CCDC38: variants seen among roughly 807,000 people sequenced by gnomAD.
CCDC38 encodes coiled-coil domain containing 38.
Under a neutral mutation model 72.8 loss-of-function variants are expected in CCDC38, and 69 were observed. That is an observed-to-expected ratio of 0.95 (90% CI 0.78 to 1.16). The LOEUF is 1.16. Among genes scored for constraint, CCDC38 ranks in the 50% most tolerant of loss-of-function variants. The pLI is 0.00. For synonymous variants in CCDC38, 201 were observed against 213.2 expected, an observed-to-expected ratio of 0.94 and a Z score of 0.50; for missense variants, 626 against 638.9, an observed-to-expected ratio of 0.98 and a Z score of 0.22.
chr12:95,927,637 T>C (rs1480038397), intron 2 of CCDC38, among the ~76,000 whole-genome samples: 3 of 152,220 alleles, frequency 2.0e-5, no homozygotes, highest in East Asian at 3.8e-4. Context: ...CTAGTCTTGA[T>C]GGTCTTTACA....
At chr12:95,883,635 C>T (rs1483458084) in intron 10 of CCDC38, among the ~76,000 whole-genome samples, 2 of 152,218 alleles carry the variant, frequency 1.3e-5, no homozygotes, top group Non-Finnish European at 2.9e-5. Flanking sequence ...CTTTGCATGC[C>T]TGTGGCACTC....
intron 2 of CCDC38, among the ~76,000 whole-genome samples, chr12:95,926,309 A>G (rs1390632330): frequency 6.6e-6 from 1 of 151,800 alleles, no homozygotes; most frequent in South Asian, 2.1e-4. Context: ...TTTCTTCTAG[A>G]TTTTCTAGTT....
intron 8 of CCDC38, 101 bp from the exon 9 acceptor site, chr12:95,891,031 G>C: frequency 1.6e-6 from 1 of 635,062 alleles, no homozygotes; most frequent in South Asian, 2.0e-5. Flanking sequence ...TAGAGTTATT[G>C]TCAAAACTTC....
chr12:95,920,845 G>C (rs1006240200), intron 2 of CCDC38, among the ~76,000 whole-genome samples: 10 of 152,158 alleles, frequency 6.6e-5, no homozygotes, highest in Non-Finnish European at 1.3e-4. Context: ...AAAAGCAAAA[G>C]AGGGCCGGGC....
At chr12:95,923,763 A>G (rs1182514572) in intron 2 of CCDC38, among the ~76,000 whole-genome samples, 19 of 150,874 alleles carry the variant, frequency 1.3e-4, no homozygotes, top group Admixed American at 4.0e-4. Context: ...TCATTGTTCA[A>G]TTCCCACCTA....
chr12:95,896,899 G>A (rs961999148), intron 7 of CCDC38, among the ~76,000 whole-genome samples: 1 of 152,174 alleles, frequency 6.6e-6, no homozygotes, highest in African/African-American at 2.4e-5. Flanking sequence ...CGGCTATTGT[G>A]CATAAATGCA....
At chr12:95,920,215 G>A (rs1226085026) in intron 2 of CCDC38, among the ~76,000 whole-genome samples, 1 of 152,074 alleles carries the variant, frequency 6.6e-6, no homozygotes, top group Non-Finnish European at 1.5e-5. Flanking sequence ...TCTTTCTTGT[G>A]CTGTTCTCGT....
At chr12:95,897,346 C>T (rs896326895) in intron 7 of CCDC38, among the ~76,000 whole-genome samples, 2 of 152,060 alleles carry the variant, frequency 1.3e-5, no homozygotes, top group East Asian at 1.9e-4. Flanking sequence ...CGGTGACTCA[C>T]GCCTGTAATC....
At chr12:95,867,529 A>G (rs1565938602) in intron 15 of CCDC38, among the ~76,000 whole-genome samples, 1 of 152,198 alleles carries the variant, frequency 6.6e-6, no homozygotes, top group African/African-American at 2.4e-5. Flanking sequence ...TTTCTCAGTA[A>G]GTGCCATAGC....
intron 4 of CCDC38, among the ~76,000 whole-genome samples, chr12:95,907,839 G>A (rs1163341483): frequency 4.6e-5 from 7 of 150,814 alleles, no homozygotes; most frequent in Non-Finnish European, 8.9e-5. Context: ...CATCTCAGAC[G>A]ATGGGTGGCC....
intron 5 of CCDC38, among the ~76,000 whole-genome samples, chr12:95,902,477 C>CT (rs1260826296): frequency 2.6e-5 from 4 of 152,102 alleles, no homozygotes; most frequent in Admixed American, 1.3e-4. Context: ...ATAGTATGAA[C>CT]TATTTTTCTG....
chr12:95,914,166 A>T (rs1161695033), intron 4 of CCDC38, among the ~76,000 whole-genome samples: 1 of 152,160 alleles, frequency 6.6e-6, no homozygotes, highest in Admixed American at 6.5e-5. Flanking sequence ...TCTACTAAAA[A>T]TACAAAAAAT....
chr12:95,877,204 C>G (rs1592755391), intron 13 of CCDC38, among the ~76,000 whole-genome samples: 1 of 152,266 alleles, frequency 6.6e-6, no homozygotes, highest in East Asian at 1.9e-4. Flanking sequence ...AGTAAATTTA[C>G]TGAGGCTCCA....
chr12:95,910,717 A>C (rs1247835496), intron 4 of CCDC38, among the ~76,000 whole-genome samples: 2 of 152,148 alleles, frequency 1.3e-5, no homozygotes, highest in African/African-American at 4.8e-5. Context: ...TTAAAAAATT[A>C]GTTGAGCATG....
intron 8 of CCDC38, among the ~76,000 whole-genome samples, chr12:95,891,835 C>A (rs1198976263): frequency 6.6e-6 from 1 of 152,116 alleles, no homozygotes; most frequent in Non-Finnish European, 1.5e-5. Context: ...AGCAGGGAAA[C>A]CATTAGTGGT....
At chr12:95,928,796 C>A (rs1334278440) in intron 2 of CCDC38, among the ~76,000 whole-genome samples, 3 of 152,116 alleles carry the variant, frequency 2.0e-5, no homozygotes, top group Non-Finnish European at 1.5e-5. Context: ...GAGTACCCGG[C>A]CGTGTGAGGT....
chr12:95,904,156 C>G (rs1264034510), intron 5 of CCDC38, among the ~76,000 whole-genome samples: 1 of 152,062 alleles, frequency 6.6e-6, no homozygotes, highest in African/African-American at 2.4e-5. Context: ...AATTTATTGG[C>G]ATAAAGTGTT....
At chr12:95,914,808 C>T (rs1448639063) in intron 4 of CCDC38, among the ~76,000 whole-genome samples, 4 of 150,826 alleles carry the variant, frequency 2.7e-5, no homozygotes, top group Admixed American at 2.0e-4. Flanking sequence ...TTTTTTTTTT[C>T]CCAAGCCATT....
chr12:95,926,294 A>T (rs1427543370), intron 2 of CCDC38, among the ~76,000 whole-genome samples: 11 of 152,134 alleles, frequency 7.2e-5, no homozygotes, highest in African/African-American at 2.7e-4. Flanking sequence ...CAAGGAATTT[A>T]TCCATTTCTT....
Sources: allele counts gnomAD v4.1 joint callset (sites outside exome capture counted in the v4.1 genomes callset), GRCh38; gene constraint gnomAD v4.1.1; transcripts MANE v1.5; gene names NCBI Gene and HGNC (gene_info 2026-07-23, HGNC 2026-07-21).